The following CNTN5 variants were observed in gnomAD, a reference collection of about 807,000 sequenced individuals.
CNTN5 encodes contactin 5.
Under a neutral mutation model 129.1 loss-of-function variants are expected in CNTN5, and 77 were observed. The ratio of observed to expected loss-of-function variants is 0.60; its 90% CI spans 0.50 to 0.72. The LOEUF (loss-of-function observed/expected upper bound fraction) is 0.72. Ranked by LOEUF, CNTN5 falls within the 30% of genes least tolerant of loss-of-function variation. The pLI is 0.00. For synonymous variants in CNTN5, 509 were observed against 465.6 expected, an observed-to-expected ratio of 1.09 and a Z score of -1.20; for missense variants, 1,478 against 1,328.8, an observed-to-expected ratio of 1.11 and a Z score of -1.75.
At chr11:99,294,571 T>C (rs1402115822) in intron 1 of CNTN5, among the ~76,000 whole-genome samples, 1 of 152,148 alleles carries the variant, frequency 6.6e-6, no homozygotes, top group East Asian at 1.9e-4. Flanking sequence ...GATGAAGTAA[T>C]ATTGTTATAA....
At chr11:100,169,789 G>A (rs1947769246) in intron 13 of CNTN5, among the ~76,000 whole-genome samples, 2 of 151,968 alleles carry the variant, frequency 1.3e-5, no homozygotes, top group African/African-American at 4.8e-5. Flanking sequence ...GATTTAAGTT[G>A]TCTAGTTAGT....
intron 1 of CNTN5, among the ~76,000 whole-genome samples, chr11:99,178,250 G>A (rs1376255391): frequency 2.0e-5 from 3 of 150,886 alleles, no homozygotes; most frequent in Non-Finnish European, 3.0e-5. Context: ...GGAGGCCAAG[G>A]CAGGAGGATC....
chr11:99,479,119 A>G (rs891852284), intron 2 of CNTN5, among the ~76,000 whole-genome samples: 1 of 152,204 alleles, frequency 6.6e-6, no homozygotes, highest in South Asian at 2.1e-4. Flanking sequence ...CTTGGTGGAA[A>G]TAGAGCATAA....
At chr11:99,245,115 GCA>G (rs1055068952) in intron 1 of CNTN5, among the ~76,000 whole-genome samples, 1 of 152,098 alleles carries the variant, frequency 6.6e-6, no homozygotes, top group African/African-American at 2.4e-5. Context: ...CTGTCAAACT[GCA>G]CACACTCTTT....
Position 99,719,428 on chromosome 11 carries a change from G to C in CNTN5, c.56-100116G>C, listed in dbSNP as rs578141882. Among the ~76,000 whole-genome samples the C allele has an allele frequency of 2.4e-4, 37 of 152,114 alleles. 1 individual carries two copies. The South Asian group carries it at 7.5e-3, about 31-fold the overall frequency. On this transcript the variant is annotated intron_variant, in intron 3 of 24. Coordinates refer to ENST00000524871, the MANE Select transcript of CNTN5 (RefSeq NM_014361.4). ...TATGTGTAAAAATGTTTTCATAGGAGTAAAATGTATGCAAATTTAATATAT... is the reference window on the plus strand; with the variant it reads ...TATGTGTAAAAATGTTTTCATAGGACTAAAATGTATGCAAATTTAATATAT...
At chr11:100,354,912 G>C (rs1254198862) in intron 24 of CNTN5, among the ~76,000 whole-genome samples, 2 of 151,704 alleles carry the variant, frequency 1.3e-5, no homozygotes, top group Non-Finnish European at 3.0e-5. Context: ...AACAGGAACA[G>C]AGCTTGCAGG....
At chr11:100,081,859 C>T (rs552443012) in intron 13 of CNTN5, among the ~76,000 whole-genome samples, 5 of 152,266 alleles carry the variant, frequency 3.3e-5, no homozygotes, top group African/African-American at 1.2e-4. Context: ...GAGCGTTTGA[C>T]TACAGCTGTG....
intron 9 of CNTN5, among the ~76,000 whole-genome samples, chr11:100,035,002 G>C (rs1337402227): frequency 6.6e-6 from 1 of 151,834 alleles, no homozygotes; most frequent in Non-Finnish European, 1.5e-5. Context: ...TTAAGTTTTA[G>C]GGTACATGTG....
At chr11:99,861,605 G>C (rs973343499) in intron 6 of CNTN5, among the ~76,000 whole-genome samples, 1 of 151,988 alleles carries the variant, frequency 6.6e-6, no homozygotes, top group African/African-American at 2.4e-5. Flanking sequence ...CTAATTACAG[G>C]TGATATAAAA....
intron 1 of CNTN5, among the ~76,000 whole-genome samples, chr11:99,178,366 A>G (rs909969399): frequency 7.5e-6 from 1 of 133,098 alleles, no homozygotes; most frequent in Non-Finnish European, 1.6e-5. Flanking sequence ...ACACACACAC[A>G]CAAAATTAGC....
At chr11:99,328,262 G>A (rs974824086) in intron 2 of CNTN5, among the ~76,000 whole-genome samples, 4 of 152,220 alleles carry the variant, frequency 2.6e-5, no homozygotes, top group East Asian at 3.9e-4. Context: ...GAAGGTGGAC[G>A]GAGACAGTTT....
chr11:99,231,885 G>A (rs1001576879), intron 1 of CNTN5, among the ~76,000 whole-genome samples: 1 of 152,136 alleles, frequency 6.6e-6, no homozygotes, highest in Admixed American at 6.6e-5. Flanking sequence ...AGTTCTCCCA[G>A]CACTATTTAT....
At chr11:99,485,282 A>G (rs745733095) in intron 2 of CNTN5, among the ~76,000 whole-genome samples, 3 of 151,896 alleles carry the variant, frequency 2.0e-5, no homozygotes, top group African/African-American at 4.8e-5. Flanking sequence ...ATTAGTGGGG[A>G]GAGAGAGATA....
chr11:100,227,941 C>T (rs1949413141), intron 16 of CNTN5, among the ~76,000 whole-genome samples: 1 of 152,078 alleles, frequency 6.6e-6, no homozygotes, highest in Non-Finnish European at 1.5e-5. Context: ...AGTGATCAAA[C>T]ACAAAGTAAA....
At chr11:99,442,995 G>A (rs988074121) in intron 2 of CNTN5, among the ~76,000 whole-genome samples, 5 of 152,152 alleles carry the variant, frequency 3.3e-5, no homozygotes, top group Admixed American at 6.5e-5. Context: ...CTTACTTTAT[G>A]ATGTCTAGCA....
intron 3 of CNTN5, among the ~76,000 whole-genome samples, chr11:99,676,248 A>T (rs1052396613): frequency 5.9e-5 from 9 of 152,206 alleles, no homozygotes; most frequent in African/African-American, 2.2e-4. Flanking sequence ...TATCTTAAAG[A>T]TTTAATATAT....
At chr11:99,862,242 A>G (rs1319468148) in intron 6 of CNTN5, among the ~76,000 whole-genome samples, 2 of 152,192 alleles carry the variant, frequency 1.3e-5, no homozygotes, top group Non-Finnish European at 2.9e-5. Flanking sequence ...GCTAAGGGCA[A>G]ATAAAATTTA....
chr11:99,297,508 A>G (rs1459967275), intron 1 of CNTN5, among the ~76,000 whole-genome samples: 1 of 152,166 alleles, frequency 6.6e-6, no homozygotes, highest in Non-Finnish European at 1.5e-5. Flanking sequence ...GCCAAGAGGG[A>G]CTTTTACCAA....
chr11:100,298,607 TC>T (rs990027861), intron 19 of CNTN5, among the ~76,000 whole-genome samples: 1 of 151,364 alleles, frequency 6.6e-6, no homozygotes, highest in African/African-American at 2.4e-5. Flanking sequence ...ATTACTCCTT[TC>T]TATGGTGTGC....
Sources: allele counts gnomAD v4.1 joint callset (sites outside exome capture counted in the v4.1 genomes callset), GRCh38; gene constraint gnomAD v4.1.1; transcripts MANE v1.5; gene names NCBI Gene and HGNC (gene_info 2026-07-23, HGNC 2026-07-21).